The following ROCK2 variants were observed in gnomAD, a reference collection of about 807,000 sequenced individuals.
The protein encoded by ROCK2 is rho-associated protein kinase 2.
In ROCK2, 61 loss-of-function variants were observed where a neutral mutation model predicts 195.1. The observed-to-expected ratio is 0.31, with a 90% confidence interval of 0.25 to 0.39. The LOEUF is 0.39. Among genes scored for constraint, ROCK2 ranks in the 10% least tolerant of loss-of-function variants. ROCK2 has a pLI of 1.00. For synonymous variants in ROCK2, 504 were observed against 545.5 expected, an observed-to-expected ratio of 0.92 and a Z score of 1.06; for missense variants, 1,109 against 1,637.4, an observed-to-expected ratio of 0.68 and a Z score of 5.57.
At chr2:11,283,047 G>A (rs1368125453) in intron 3 of ROCK2, among the ~76,000 whole-genome samples, 1 of 151,944 alleles carries the variant, frequency 6.6e-6, no homozygotes, top group Non-Finnish European at 1.5e-5. Flanking sequence ...TGGGCAGATT[G>A]CCTGAGGTCA....
intron 32 of ROCK2, among the ~76,000 whole-genome samples, chr2:11,190,360 GTTT>G (rs10589703): frequency 6.1e-4 from 65 of 106,824 alleles, no homozygotes; most frequent in African/African-American, 1.8e-3. Context: ...AAGGCCAGAA[GTTT>G]TTTAAAAAAA....
chr2:11,318,157 C>T (rs1439409043), intron 1 of ROCK2, among the ~76,000 whole-genome samples: 7 of 152,096 alleles, frequency 4.6e-5, no homozygotes, highest in African/African-American at 7.2e-5. Context: ...CAAATGGTAT[C>T]TCTAGTTCTA....
At position 11,194,343 on chromosome 2, in the gene ROCK2, T is replaced by A; in HGVS notation, c.3521A>T (p.Tyr1174Phe). 7.3e-7 allele frequency: 1 copy of A among 1,366,586 alleles called. No homozygotes were observed. Among genetic ancestry groups the A allele is most frequent in the Non-Finnish European group, 1.0e-6 (1 of 1,004,614 alleles). The allele number at this position is 1,366,586 out of a possible 1,614,324, so 84.7% of individuals were successfully genotyped here. A position where few individuals can be genotyped will look rare whatever the true frequency, so the allele number is the denominator to read the frequency against. Residue 1174 changes from tyrosine (Y) to phenylalanine (F), a missense_variant and splice_region_variant, in exon 29 of 33, where the codon TAT becomes TTT. Coordinates refer to ENST00000315872, the MANE Select transcript of ROCK2 (RefSeq NM_004850.5). Reference protein sequence around the residue: ...NTKKFGWVKKYVIVSSKKILF... With the variant: ...NTKKFGWVKKFVIVSSKKILF... ...AATCTTCTTACTGCTTACAATCACATACTGTTAAAACAGGGAGAAAAGAAA... is the reference window on the plus strand; with the variant it reads ...AATCTTCTTACTGCTTACAATCACAAACTGTTAAAACAGGGAGAAAAGAAA...
chr2:11,246,932 T>C (rs1190814552), intron 4 of ROCK2, among the ~76,000 whole-genome samples: 2 of 152,200 alleles, frequency 1.3e-5, no homozygotes, highest in East Asian at 1.9e-4. Context: ...TTATTCATTA[T>C]AGTCAAAAAG....
At chr2:11,301,851 G>T (rs1471659726) in intron 1 of ROCK2, among the ~76,000 whole-genome samples, 2 of 151,484 alleles carry the variant, frequency 1.3e-5, no homozygotes, top group Admixed American at 6.6e-5. Context: ...GTCAGGTTTA[G>T]AATTCCTTTC....
intron 1 of ROCK2, among the ~76,000 whole-genome samples, chr2:11,294,864 A>G (rs1403198595): frequency 3.3e-5 from 5 of 151,842 alleles, no homozygotes; most frequent in African/African-American, 1.2e-4. Flanking sequence ...CGCAACCTCC[A>G]CCTCCACCTC....
intron 17 of ROCK2, among the ~76,000 whole-genome samples, chr2:11,213,376 C>T (rs936979557): frequency 5.3e-5 from 8 of 152,004 alleles, no homozygotes; most frequent in African/African-American, 1.2e-4. Flanking sequence ...TACCTCATGC[C>T]GAGCTCTGTA....
intron 1 of ROCK2, 30 bp downstream of exon 1, chr2:11,343,966 C>A (rs745633897): frequency 1.9e-6 from 3 of 1,581,482 alleles, no homozygotes; most frequent in Non-Finnish European, 2.6e-6. Flanking sequence ...TGAGCTGCAA[C>A]GAGCAAGCTC....
Position 11,201,987 on chromosome 2 carries a change from T to C in ROCK2, c.2619+65A>G, listed in dbSNP as rs1298860203. On this transcript the variant is annotated intron_variant, in intron 21 of 32. Coordinates refer to ENST00000315872, the MANE Select transcript of ROCK2 (RefSeq NM_004850.5). The surrounding 1 kb of genome is among the most constrained non-coding windows in gnomAD (Gnocchi z 4.6). Reference sequence around the variant, plus strand: ...TGCTCTTTTTATATGAGTTGTATGGTATAAATAAAATATCCCAACCAAAAC... The same window carrying C: ...TGCTCTTTTTATATGAGTTGTATGGCATAAATAAAATATCCCAACCAAAAC... 3.4e-6 allele frequency: 4 copies of C among 1,179,928 alleles called. No homozygotes were observed. The African/African-American group carries it at 6.0e-5, about 18-fold the overall frequency. 73.1% of individuals were successfully genotyped at this position (1,179,928 alleles called of 1,614,324 possible). A position where few individuals can be genotyped will look rare whatever the true frequency, so the allele number is the denominator to read the frequency against.
rs370644197 is a variant in ROCK2, at chr2:11,229,913, T to C, written c.724-2515A>G. On this transcript the variant is annotated intron_variant, in intron 5 of 32. Transcript: ENST00000315872. ...ATAATAAGAGCCAAGAGTTTTACTG[T>C]TCACGAAAGAAATTACAAAAAAGAA... is the stretch of plus-strand genomic sequence containing the variant. Among the ~76,000 whole-genome samples the C allele has an allele frequency of 4.6e-5, 7 of 152,260 alleles. 1 individual carries two copies. In the South Asian group the frequency reaches 1.2e-3, roughly 27 times the overall value.
chr2:11,224,349 T>C lies in ROCK2; in HGVS notation c.980A>G (p.Asn327Ser), dbSNP rs1664741879. The C allele has an allele frequency of 1.2e-6, 2 of 1,613,188 alleles. No homozygotes were observed. The highest frequency in any genetic ancestry group is 1.3e-5 in the African/African-American group (1 of 74,870). The change falls in exon 7 of 33, where the codon AAT (asparagine) becomes AGT (serine). Residue 327 changes from asparagine (N) to serine (S), a missense_variant. By Grantham distance (46) the Asn-to-Ser change is conservative. This residue lies in a region of ROCK2 where 253 missense variants were observed against 455.5 expected (regional missense o/e 0.56). Transcript: ENST00000315872. ...EDAEISKHAK[N>S]LICAFLTDRE... ...ATCTGTTAAGAAAGCACAGATGAGA[T>C]TCTTTGCATGTTTGGAAATTTCTGC...
At chr2:11,268,496 G>GTGTGTA (rs1364206297) in intron 3 of ROCK2, among the ~76,000 whole-genome samples, 5 of 149,118 alleles carry the variant, frequency 3.4e-5, no homozygotes, top group African/African-American at 1.2e-4. Flanking sequence ...CCTTGTGTGT[G>GTGTGTA]TGTGTGTGTA....
intron 4 of ROCK2, among the ~76,000 whole-genome samples, chr2:11,248,858 G>GT (rs368841647): frequency 1.6e-3 from 240 of 151,096 alleles, no homozygotes; most frequent in Non-Finnish European, 2.3e-3. Flanking sequence ...GTTTTTTGTT[G>GT]TTTTTTTTCT....
At chr2:11,316,894 A>C (rs1422271432) in intron 1 of ROCK2, among the ~76,000 whole-genome samples, 1 of 151,254 alleles carries the variant, frequency 6.6e-6, no homozygotes, top group Admixed American at 6.7e-5. Flanking sequence ...CTTAGAATAG[A>C]CTAGAAGGGT....
At chr2:11,333,127 A>G (rs927000105) in intron 1 of ROCK2, among the ~76,000 whole-genome samples, 12 of 152,250 alleles carry the variant, frequency 7.9e-5, no homozygotes, top group African/African-American at 2.4e-4. Flanking sequence ...TTGTACACTT[A>G]CAATGGAAGA....
At chr2:11,223,128 T>A (rs972066563) in intron 7 of ROCK2, among the ~76,000 whole-genome samples, 1 of 152,088 alleles carries the variant, frequency 6.6e-6, no homozygotes, top group African/African-American at 2.4e-5. Context: ...AAAGATAACA[T>A]CTCCTCATCT....
At chr2:11,225,480 A>AT (rs139969005) in intron 6 of ROCK2, among the ~76,000 whole-genome samples, 6,414 of 151,860 alleles carry the variant, frequency 0.042, 276 homozygotes, top group Non-Finnish European at 0.06. Context: ...TATGTTAAAA[A>AT]TTTTTTATTT....
chr2:11,344,771 C>G (rs1450397877), upstream of ROCK2, among the ~76,000 whole-genome samples: 28 of 150,358 alleles, frequency 1.9e-4, no homozygotes, highest in Admixed American at 1.6e-3. This position sits in a 1 kb window ranked among gnomAD's most constrained non-coding sequence, Gnocchi z 5.4. Context: ...CTTCCTGCGT[C>G]TGTCCCGCTC....
At chr2:11,274,559 TCA>T (rs1666759834) in intron 3 of ROCK2, among the ~76,000 whole-genome samples, 1 of 152,010 alleles carries the variant, frequency 6.6e-6, no homozygotes, top group Non-Finnish European at 1.5e-5. Flanking sequence ...CAAGACTAAC[TCA>T]CACAAAAAAC....
Sources: allele counts gnomAD v4.1 joint callset (sites outside exome capture counted in the v4.1 genomes callset), GRCh38; gene constraint gnomAD v4.1.1; regional missense constraint gnomAD v4.1.1; non-coding constraint Gnocchi (gnomAD v3.1); transcripts MANE v1.5; gene names NCBI Gene and HGNC (gene_info 2026-07-23, HGNC 2026-07-21).